LRGUK: variants seen among roughly 807,000 people sequenced by gnomAD.
LRGUK encodes the protein leucine rich repeats and guanylate kinase domain containing.
Under a neutral mutation model 76.0 loss-of-function variants are expected in LRGUK, and 65 were observed. The observed-to-expected ratio is 0.85, with a 90% CI of 0.70 to 1.05. The LOEUF (loss-of-function observed/expected upper bound fraction) is 1.05, where lower values mean the gene tolerates loss of function less well. Among genes scored for constraint, LRGUK ranks in the 50% least tolerant of loss-of-function variants. The probability of loss-of-function intolerance (pLI) is 0.00; values close to 1 mark genes in which losing one functional copy is unlikely to be tolerated. For synonymous variants in LRGUK, 268 were observed against 265.6 expected, an observed-to-expected ratio of 1.01 and a Z score of -0.09; for missense variants, 758 against 732.8, an observed-to-expected ratio of 1.03 and a Z score of -0.40.
chr7:134,133,067 G>T (rs143024653), intron 1 of LRGUK, among the ~76,000 whole-genome samples: 4 of 152,272 alleles, frequency 2.6e-5, no homozygotes, highest in African/African-American at 9.6e-5. Flanking sequence ...AGGATGCAGA[G>T]TTGTGGGGTC....
chr7:134,197,181 GTGTA>G lies in LRGUK; in HGVS notation c.1545+78_1545+81del, dbSNP rs1238075058. 1.5e-5 allele frequency: 12 copies of G among 802,004 alleles called. No individual in the cohort carries two copies. In the East Asian group the frequency reaches 1.5e-4, roughly 10 times the overall value. The allele number at this position is 802,004 out of a possible 1,614,324, so 49.7% of individuals were successfully genotyped here. ...GGTGTGTGTGTATGTGTGTGTGTGT[GTGTA>G]TATATGTATAAACTTTTTACTGATA... On this transcript the variant is annotated intron_variant, in intron 13 of 15. Transcript: ENST00000645682.
At chr7:134,188,038 A>C (rs1800047272) in intron 11 of LRGUK, among the ~76,000 whole-genome samples, 1 of 152,214 alleles carries the variant, frequency 6.6e-6, no homozygotes, top group African/African-American at 2.4e-5. Flanking sequence ...ACATGTGACA[A>C]ATTTGTAGAA....
chr7:134,197,007 A>C, exon 13 of LRGUK: 1 of 1,594,188 alleles, frequency 6.3e-7, no homozygotes, highest in South Asian at 1.1e-5. Flanking sequence ...ATTCATTCTA[A>C]CATTTAGTTA....
At chr7:134,154,156 G>A (rs1415110034) in intron 5 of LRGUK, among the ~76,000 whole-genome samples, 3 of 152,106 alleles carry the variant, frequency 2.0e-5, no homozygotes, top group Non-Finnish European at 2.9e-5. Context: ...GCTGGAATGC[G>A]GTATGATGAT....
At chr7:134,234,549 C>G (rs557711286) in intron 16 of LRGUK, among the ~76,000 whole-genome samples, 1 of 152,266 alleles carries the variant, frequency 6.6e-6, no homozygotes, top group Non-Finnish European at 1.5e-5. Flanking sequence ...TACTGTATCT[C>G]TAGTCCTCCT....
chr7:134,154,835 A>C (rs1798389855), intron 5 of LRGUK, among the ~76,000 whole-genome samples: 1 of 152,212 alleles, frequency 6.6e-6, no homozygotes, highest in Admixed American at 6.5e-5. Context: ...AGTAAGATGG[A>C]TGTGCCAAGG....
chr7:134,200,333 G>A (rs1360852676), intron 14 of LRGUK, among the ~76,000 whole-genome samples: 1 of 151,750 alleles, frequency 6.6e-6, no homozygotes, highest in Non-Finnish European at 1.5e-5. Flanking sequence ...CACCGCACCT[G>A]GCAAATTTCT....
intron 9 of LRGUK, 115 bp downstream of exon 9, chr7:134,177,178 A>G (rs1235521882): frequency 3.3e-6 from 2 of 614,986 alleles, no homozygotes; most frequent in Non-Finnish European, 5.7e-6. Context: ...AACAATATGT[A>G]CATTAATTCA....
intron 10 of LRGUK, among the ~76,000 whole-genome samples, chr7:134,181,945 G>C (rs188313172): frequency 6.6e-6 from 1 of 152,158 alleles, no homozygotes; most frequent in Non-Finnish European, 1.5e-5. Flanking sequence ...TCAAGATATA[G>C]AGCAGTTTTA....
At chr7:134,267,964 A>T (rs963923474), downstream of LRGUK, among the ~76,000 whole-genome samples, 1 of 152,140 alleles carries the variant, frequency 6.6e-6, no homozygotes, top group Non-Finnish European at 1.5e-5. Flanking sequence ...ATGAAAATAT[A>T]CCCTATCAAA....
At chr7:134,178,467 C>CT in intron 9 of LRGUK, 36 bp from the exon 10 acceptor site, 4 of 1,523,184 alleles carry the variant, frequency 2.6e-6, no homozygotes, top group Non-Finnish European at 2.7e-6. Flanking sequence ...AGAAACAAAA[C>CT]TTTTTTTCCC....
chr7:134,186,036 A>G (rs555694439), intron 11 of LRGUK, among the ~76,000 whole-genome samples: 11 of 152,346 alleles, frequency 7.2e-5, no homozygotes, highest in Non-Finnish European at 1.6e-4. Context: ...AAAAGGGTAT[A>G]TGCTGTTTTG....
chr7:134,222,330 A>C (rs1018389032), intron 16 of LRGUK, among the ~76,000 whole-genome samples: 4 of 152,230 alleles, frequency 2.6e-5, no homozygotes, highest in South Asian at 2.1e-4. Context: ...ATAACTTAGC[A>C]CTTCTTAAAC....
intron 18 of LRGUK, among the ~76,000 whole-genome samples, chr7:134,253,321 G>A (rs1442646291): frequency 2.0e-5 from 3 of 152,148 alleles, no homozygotes; most frequent in Non-Finnish European, 4.4e-5. Flanking sequence ...AAGTTGAGGA[G>A]GTAGAGGTGG....
chr7:134,224,996 G>A (rs1305852406), intron 16 of LRGUK, among the ~76,000 whole-genome samples: 3 of 151,688 alleles, frequency 2.0e-5, no homozygotes. Context: ...AGGTTGCAGT[G>A]AGCGGAGATC....
chr7:134,271,338 G>T, the LRGUK span, among the ~76,000 whole-genome samples: 1 of 151,252 alleles, frequency 6.6e-6, no homozygotes, highest in Non-Finnish European at 1.5e-5. Flanking sequence ...TTTTCTTTTT[G>T]ATTTGTACTT....
chr7:134,142,942 T>C, intron 3 of LRGUK, 120 bp from the exon 4 acceptor site: 1 of 595,410 alleles, frequency 1.7e-6, no homozygotes, highest in Non-Finnish European at 3.0e-6. Flanking sequence ...ATGGAATAAT[T>C]AAGATGTCTT....
chr7:134,272,676 G>T, the LRGUK span, among the ~76,000 whole-genome samples: 1 of 152,062 alleles, frequency 6.6e-6, no homozygotes, highest in Non-Finnish European at 1.5e-5. Context: ...TGACATCAAA[G>T]TATATAAGGC....
intron 16 of LRGUK, 68 bp from the exon 17 acceptor site, chr7:134,247,487 AT>A: frequency 8.7e-7 from 1 of 1,147,460 alleles, no homozygotes; most frequent in Non-Finnish European, 1.3e-6. Context: ...AAAGAGAATT[AT>A]TATAGATGTT....
Sources: allele counts gnomAD v4.1 joint callset (sites outside exome capture counted in the v4.1 genomes callset), GRCh38; gene constraint gnomAD v4.1.1; transcripts MANE v1.5; gene names NCBI Gene and HGNC (gene_info 2026-07-23, HGNC 2026-07-21).